The following MOGAT1 variants were observed in gnomAD, a reference collection of about 807,000 sequenced individuals.
The protein encoded by MOGAT1 is monoacylglycerol O-acyltransferase 1.
In MOGAT1, 32 loss-of-function variants were observed where a neutral mutation model predicts 31.4. The observed-to-expected ratio is 1.02, with a 90% CI of 0.77 to 1.37. The LOEUF (loss-of-function observed/expected upper bound fraction) is 1.37, where lower values mean the gene tolerates loss of function less well. Ranked by LOEUF, MOGAT1 falls within the 40% of genes most tolerant of loss-of-function variation. The probability of loss-of-function intolerance (pLI) is 0.00; values close to 1 mark genes in which losing one functional copy is unlikely to be tolerated. For missense variants in MOGAT1, 426 were observed against 402.0 expected, an observed-to-expected ratio of 1.06 and a Z score of -0.51; for synonymous variants, 145 against 144.5, an observed-to-expected ratio of 1.00 and a Z score of -0.03.
intron 5 of MOGAT1, among the ~76,000 whole-genome samples, chr2:222,699,857 T>C (rs935316348): frequency 5.9e-5 from 9 of 152,212 alleles, no homozygotes; most frequent in Admixed American, 2.6e-4. Context: ...TTGCTGAGTA[T>C]TCGAGAGCTG....
chr2:222,701,943 G>C (rs1232127592), intron 5 of MOGAT1, among the ~76,000 whole-genome samples: 2 of 152,162 alleles, frequency 1.3e-5, no homozygotes, highest in Non-Finnish European at 1.5e-5. Flanking sequence ...AAATTATTCT[G>C]TCTTCTCACA....
intron 5 of MOGAT1, among the ~76,000 whole-genome samples, chr2:222,702,263 G>A (rs1012728450): frequency 5.3e-5 from 8 of 152,196 alleles, no homozygotes; most frequent in African/African-American, 1.9e-4. Flanking sequence ...CACAACAGCT[G>A]TTGTAGATTG....
At chr2:222,693,399 T>C (rs941762490) in intron 3 of MOGAT1, among the ~76,000 whole-genome samples, 7 of 151,890 alleles carry the variant, frequency 4.6e-5, no homozygotes, top group African/African-American at 1.5e-4. Context: ...ACTATACTTA[T>C]TGGAAACATG....
intron 1 of MOGAT1, among the ~76,000 whole-genome samples, chr2:222,672,889 T>TTTATGATTATTA (rs1553560984): frequency 1.4e-5 from 2 of 139,224 alleles, no homozygotes; most frequent in Non-Finnish European, 3.1e-5. Context: ...CTGGAATTTG[T>TTTATGATTATTA]TTATTATTAT....
At chr2:222,684,683 TCTC>T (rs1351821095) in intron 1 of MOGAT1, among the ~76,000 whole-genome samples, 2 of 151,888 alleles carry the variant, frequency 1.3e-5, no homozygotes, top group African/African-American at 2.4e-5. Context: ...TTCGAACAAT[TCTC>T]CTGCCTCAGC....
rs1422193803 is a variant in MOGAT1, at chr2:222,689,401, C to T, written c.410C>T (p.Thr137Ile). 6.2e-7 allele frequency: 1 copy of T among 1,614,006 alleles called. No homozygotes were observed. The highest frequency in any genetic ancestry group is 1.1e-5 in the South Asian group (1 of 91,082). Reference protein sequence around the residue: ...SDFKDLFPGFTSYLHVLPLWF... With the variant: ...SDFKDLFPGFISYLHVLPLWF... ...TTCAAGGACCTGTTTCCTGGCTTTA[C>T]TTCATATCTTCACGTGCTGCCACTT... is the stretch of plus-strand genomic sequence containing the variant. The change falls in exon 3 of 6, where the codon ACT (threonine) becomes ATT (isoleucine). Residue 137 changes from threonine (T) to isoleucine (I), a missense_variant. Physicochemically the swap from Thr to Ile is moderately conservative, Grantham distance 89 (BLOSUM62 -1). Transcript: ENST00000446656.
At chr2:222,675,700 C>T (rs1046626734) in intron 1 of MOGAT1, among the ~76,000 whole-genome samples, 4 of 151,964 alleles carry the variant, frequency 2.6e-5, no homozygotes, top group Non-Finnish European at 5.9e-5. Context: ...AGGATGGTCT[C>T]GGTCTCCTGA....
At chr2:222,685,141 A>AG (rs1692645011) in intron 1 of MOGAT1, among the ~76,000 whole-genome samples, 1 of 152,220 alleles carries the variant, frequency 6.6e-6, no homozygotes, top group African/African-American at 2.4e-5. Flanking sequence ...ACCTGTTCAT[A>AG]GGGGAAAAAA....
chr2:222,707,327 AAG>A (rs2106046978), intron 5 of MOGAT1, among the ~76,000 whole-genome samples: 2 of 142,274 alleles, frequency 1.4e-5, no homozygotes, highest in East Asian at 3.9e-4. Flanking sequence ...AGGAAGGAGA[AAG>A]AAAGAAAAAG....
At chr2:222,673,699 T>C (rs1179363947) in intron 1 of MOGAT1, among the ~76,000 whole-genome samples, 1 of 152,180 alleles carries the variant, frequency 6.6e-6, no homozygotes, top group Admixed American at 6.5e-5. Context: ...GAACTTGGAG[T>C]CCGACTTCCT....
Position 222,695,285 on chromosome 2 carries a change from G to A in MOGAT1, c.850G>A (p.Val284Ile). The change falls in exon 5 of 6, where the codon GTT becomes ATT. Residue 284 changes from valine to isoleucine, a missense_variant. Transcript: ENST00000446656. ...LMTYRKAIHTVVGRPIPVRQT... is the reference protein window; with the variant it reads ...LMTYRKAIHTIVGRPIPVRQT... ...GACCTATAGGAAAGCCATCCACACT[G>A]TTGGTATGTACATAAAATAACTACA... 6.3e-7 allele frequency: 1 copy of A among 1,599,838 alleles called. No individual in the cohort carries two copies. The highest frequency in any genetic ancestry group is 8.5e-7 in the Non-Finnish European group (1 of 1,170,072).
intron 5 of MOGAT1, among the ~76,000 whole-genome samples, chr2:222,703,073 T>A (rs958710278): frequency 2.0e-5 from 3 of 152,096 alleles, no homozygotes; most frequent in African/African-American, 7.2e-5. Flanking sequence ...GAGAAAAGCA[T>A]GCAGATTTTT....
At chr2:222,685,125 AAC>A (rs1395507351) in intron 1 of MOGAT1, among the ~76,000 whole-genome samples, 1 of 152,238 alleles carries the variant, frequency 6.6e-6, no homozygotes, top group Non-Finnish European at 1.5e-5. Context: ...ATATTAAAGA[AAC>A]ATAACCTGTT....
intron 5 of MOGAT1, among the ~76,000 whole-genome samples, chr2:222,704,992 T>C (rs971449945): frequency 5.3e-5 from 8 of 152,174 alleles, no homozygotes; most frequent in Non-Finnish European, 7.3e-5. Flanking sequence ...GCAAGTTTAT[T>C]AGGAAAGTAA....
At chr2:222,702,289 T>C (rs1166446198) in intron 5 of MOGAT1, among the ~76,000 whole-genome samples, 2 of 152,186 alleles carry the variant, frequency 1.3e-5, no homozygotes, top group East Asian at 1.9e-4. Flanking sequence ...AAAACAACTA[T>C]GAACGATATT....
At chr2:222,697,568 A>T (rs1692854240) in intron 5 of MOGAT1, among the ~76,000 whole-genome samples, 3 of 144,694 alleles carry the variant, frequency 2.1e-5, no homozygotes, top group African/African-American at 7.7e-5. Flanking sequence ...GGAGACAATT[A>T]TCAGAATCTT....
At chr2:222,707,701 A>C (rs1693027076) in intron 5 of MOGAT1, among the ~76,000 whole-genome samples, 1 of 152,186 alleles carries the variant, frequency 6.6e-6, no homozygotes, top group Non-Finnish European at 1.5e-5. Flanking sequence ...CCAAGCTATC[A>C]AAGAAAACCA....
chr2:222,700,282 G>T (rs927491015), intron 5 of MOGAT1, among the ~76,000 whole-genome samples: 2 of 152,104 alleles, frequency 1.3e-5, no homozygotes, highest in African/African-American at 2.4e-5. Flanking sequence ...ATTTGATATC[G>T]CCCAGTTATA....
intron 5 of MOGAT1, among the ~76,000 whole-genome samples, chr2:222,701,418 TAAAG>T (rs746015362): frequency 2.5e-3 from 138 of 55,208 alleles, no homozygotes; most frequent in Middle Eastern, 0.016. Flanking sequence ...GAGAGAAAAA[TAAAG>T]AAAGAAAGAA....
Sources: gnomAD v4.1 joint callset for allele counts (sites outside exome capture counted in the v4.1 genomes callset) on GRCh38, gnomAD v4.1.1 for gene constraint, MANE v1.5 for transcripts, NCBI Gene and HGNC (gene_info 2026-07-23, HGNC 2026-07-21) for gene names.